BAHCC1: variants seen among roughly 807,000 people sequenced by gnomAD.
BAHCC1 encodes BAH domain and coiled-coil containing 1.
In BAHCC1, 43 loss-of-function variants were observed where a neutral mutation model predicts 88.2. That is an observed-to-expected ratio of 0.49 (90% confidence interval 0.38 to 0.63). The LOEUF (loss-of-function observed/expected upper bound fraction) is 0.63, where lower values mean the gene tolerates loss of function less well. Among genes scored for constraint, BAHCC1 ranks in the 20% least tolerant of loss-of-function variants. BAHCC1 has a pLI of 0.00. For missense variants in BAHCC1, 3,023 were observed against 1,654.8 expected (o/e 1.83, Z -14.34); for synonymous variants, 1,510 against 745.5 (o/e 2.03, Z -16.71).
chr17:81,463,582 C>A (rs1339224342), intron 27 of BAHCC1, 29 bp from the exon 28 acceptor site: 4 of 778,218 alleles, frequency 5.1e-6, no homozygotes, highest in South Asian at 1.3e-5. Context: ...CAAGGCCGGC[C>A]ACTGATGCCC....
intron 3 of BAHCC1, among the ~76,000 whole-genome samples, chr17:81,433,479 G>A (rs868916538): frequency 4.7e-5 from 7 of 149,386 alleles, no homozygotes; most frequent in African/African-American, 1.5e-4. Flanking sequence ...CCCCTCCTGT[G>A]CCCAGGGCAG....
rs1555653702 is a variant in BAHCC1 at position 81,444,482 on chromosome 17, G to A, written c.2426G>A (p.Gly809Glu). ...ATGATGCAGAGCGGCCAGCTGGGCG[G>A]GGACCCAGCCCCCCACACCCACCCC... ...HLMMQSGQLG[G>E]DPAPHTHPHP... The change falls in exon 7 of 28, where the codon GGG (glycine) becomes GAG (glutamate). Residue 809 changes from glycine to glutamate, a missense_variant. Coordinates refer to ENST00000675386, the MANE Select transcript of BAHCC1 (RefSeq NM_001377448.1). 8.4e-6 allele frequency: 6 copies of A among 712,510 alleles called. No homozygotes were observed. The highest frequency in any genetic ancestry group is 2.0e-5 in the Admixed American group (1 of 50,474). The allele number at this position is 712,510 out of a possible 1,614,324, so 44.1% of individuals were successfully genotyped here. A position where few individuals can be genotyped will look rare whatever the true frequency, so the allele number is the denominator to read the frequency against.
Position 81,465,487 on chromosome 17 carries a change from C to T in BAHCC1, c.*1670C>T, listed in dbSNP as rs2030641367. On this transcript the variant is annotated 3_prime_UTR_variant, in exon 28 of 28. Coordinates refer to ENST00000675386, the MANE Select transcript of BAHCC1 (RefSeq NM_001377448.1). Reference sequence around the variant, plus strand: ...GCCCAACAGCCTTCAGCCTCAGAAACGCATGGGGGGCCACACACTCCTTAT... The same window carrying T: ...GCCCAACAGCCTTCAGCCTCAGAAATGCATGGGGGGCCACACACTCCTTAT... 6.6e-6 allele frequency: 1 copy of T among 152,330 alleles called. No homozygotes were observed. Among genetic ancestry groups the T allele is most frequent in the Non-Finnish European group, 1.5e-5 (1 of 68,130 alleles). The allele number at this position is 152,330 out of a possible 1,614,324, so 9.4% of individuals were successfully genotyped here.
rs782384472 is a variant in BAHCC1 at position 81,442,725 on chromosome 17, C to T, written c.1376C>T (p.Ala459Val). 42 of 775,860 alleles carry T rather than the reference C, an allele frequency of 5.4e-5. No homozygotes were observed. Among genetic ancestry groups the T allele is most frequent in the East Asian group, 1.5e-4 (6 of 41,112 alleles). 48.1% of individuals were successfully genotyped at this position (775,860 alleles called of 1,614,324 possible). ...GAGCGGCGGCCTGGGGGCTTTGAGG[C>T]GGCCCTCAACCCCCGGCTAAAGGGC... ...KGERRPGGFE[A>V]ALNPRLKGLD... The change falls in exon 5 of 28, where the codon GCG becomes GTG. Residue 459 changes from alanine (A) to valine (V), a missense_variant. By Grantham distance (64) the Ala-to-Val change is moderately conservative. Transcript: ENST00000675386.
Position 81,442,126 on chromosome 17 carries a change from C to T in BAHCC1, c.777C>T (p.Asp259=), listed in dbSNP as rs782336448. ...AGCTGGTGCTGCCCGTGCCAGCCGA[C>T]GGGCACTGCAGGGAGGGCGGCCCCG... ...RHKLVLPVPA[D]GHCREGGPAP... is the part of the protein sequence containing the mutation. Residue 259 remains aspartate, a synonymous_variant, in exon 5 of 28, where the codon GAC becomes GAT. Coordinates refer to ENST00000675386, the MANE Select transcript of BAHCC1 (RefSeq NM_001377448.1). The T allele has an allele frequency of 4.3e-5, 29 of 677,064 alleles. No individual in the cohort carries two copies. The South Asian group carries it at 4.6e-4, about 11-fold the overall frequency. The allele number at this position is 677,064 out of a possible 1,614,324, so 41.9% of individuals were successfully genotyped here.
chr17:81,428,718 A>AC (rs1238090815), intron 3 of BAHCC1, among the ~76,000 whole-genome samples: 6 of 152,240 alleles, frequency 3.9e-5, no homozygotes, highest in African/African-American at 1.2e-4. Context: ...GGCAGACAGC[A>AC]CCCACAACGG....
At chr17:81,456,622 C>A (rs1555657379) in intron 16 of BAHCC1, 37 bp downstream of exon 16, 2 of 680,000 alleles carry the variant, frequency 2.9e-6, no homozygotes, top group Admixed American at 2.5e-5. Flanking sequence ...GCCAGGAGCC[C>A]CGGTCATGGT....
chr17:81,458,442 C>A lies in BAHCC1; in HGVS notation c.5319C>A (p.Gly1773=). The change falls in exon 18 of 28, where the codon GGC becomes GGA. Residue 1773 remains glycine (G), a synonymous_variant. Transcript: ENST00000675386. ...SERLKRATRK[G]TVLQPVLRRK... ...GCCTCAAGAGGGCCACGCGCAAGGG[C>A]ACAGTGCTGCAGCCAGTGCTGCGGG... is the stretch of plus-strand genomic sequence containing the variant. The A allele has an allele frequency of 1.4e-6, 1 of 731,622 alleles. No individual in the cohort carries two copies. Among genetic ancestry groups the A allele is most frequent in the South Asian group, 1.5e-5 (1 of 68,600 alleles). 45.3% of individuals were successfully genotyped at this position (731,622 alleles called of 1,614,324 possible).
Position 81,434,736 on chromosome 17 carries a change from G to T in BAHCC1, c.359-3634G>T, listed in dbSNP as rs556029686. 2.6e-5 allele frequency among the ~76,000 whole-genome samples: 4 copies of T among 152,232 alleles called. No homozygotes were observed. The highest frequency in any genetic ancestry group is 5.9e-5 in the Non-Finnish European group (4 of 67,980). ...TCCACGGCAGGGATGCTCCCTGGAA[G>T]GGCAGCCTGGGGGGTGGGTTGTGGC... On this transcript the variant is annotated intron_variant, in intron 3 of 27. Transcript: ENST00000675386. The surrounding 1 kb of genome is among the most constrained non-coding windows in gnomAD (Gnocchi z 4.9).
intron 2 of BAHCC1, among the ~76,000 whole-genome samples, chr17:81,418,810 C>CGTGTGTGTGCGT (rs2064074687): frequency 6.8e-6 from 1 of 146,332 alleles, no homozygotes; most frequent in Non-Finnish European, 1.5e-5. Context: ...TGTGTGTGTA[C>CGTGTGTGTGCGT]GTGTGTGTGT....
At chr17:81,416,439 CGT>C (rs36171726) in intron 2 of BAHCC1, among the ~76,000 whole-genome samples, 7,241 of 26,072 alleles carry the variant, frequency 0.28, 272 homozygotes, top group South Asian at 0.37. Flanking sequence ...GGTGTATGTG[CGT>C]GTGTGTGTGT....
chr17:81,460,119 C>T (rs1048072854), intron 23 of BAHCC1, among the ~76,000 whole-genome samples, 158 bp from the exon 24 acceptor site: 3 of 152,114 alleles, frequency 2.0e-5, no homozygotes, highest in East Asian at 3.9e-4. Flanking sequence ...AGGAGGCCCC[C>T]GCTCCTGGGC....
At chr17:81,445,727 C>T (rs782658566) in intron 10 of BAHCC1, 46 bp downstream of exon 10, 3 of 702,768 alleles carry the variant, frequency 4.3e-6, no homozygotes, top group East Asian at 5.4e-5. Flanking sequence ...CGCTCCAAGC[C>T]CTCCCACCCC....
At chr17:81,396,317 G>A (rs2063745753) in intron 1 of BAHCC1, 1 of 152,204 alleles carries the variant, frequency 6.6e-6, no homozygotes, top group Admixed American at 6.5e-5. Flanking sequence ...GGTGGAGGAG[G>A]GGGACCGAGC....
In BAHCC1 at chr17:81,460,623, C is replaced by T. The variant is rs1555658918; in HGVS notation, c.6119C>T (p.Thr2040Ile). 2 of 771,246 alleles carry T rather than the reference C, an allele frequency of 2.6e-6. No individual in the cohort carries two copies. Among genetic ancestry groups the T allele is most frequent in the African/African-American group, 1.7e-5 (1 of 59,008 alleles). The allele number at this position is 771,246 out of a possible 1,614,324, so 47.8% of individuals were successfully genotyped here. The change falls in exon 25 of 28, where the codon ACC (threonine) becomes ATC (isoleucine). Residue 2040 changes from threonine to isoleucine, a missense_variant. Physicochemically the swap from Thr to Ile is moderately conservative, Grantham distance 89. Coordinates refer to ENST00000675386, the MANE Select transcript of BAHCC1 (RefSeq NM_001377448.1). ...GCACCCCCGCCTAGTGAAGCCGCCA[C>T]CCCCAGCCTGTCCCCCAAAGCACAG... ...SEAPPPSEAA[T>I]PSLSPKAQDG...
At position 81,444,804 on chromosome 17, in the gene BAHCC1, C is replaced by T; in HGVS notation, c.2649C>T (p.Pro883=). The T allele has an allele frequency of 1.3e-6, 1 of 777,544 alleles. No individual in the cohort carries two copies. The allele number at this position is 777,544 out of a possible 1,614,324, so 48.2% of individuals were successfully genotyped here. Residue 883 remains proline, a synonymous_variant, in exon 8 of 28, where the codon CCC becomes CCT. Transcript: ENST00000675386. ...TCATCCTGCCCTCAGAGCCCACACC[C>T]CACAGCGCCCCCCACGCACTTGGTA... is the stretch of plus-strand genomic sequence containing the variant. ...QLVILPSEPT[P]HSAPHALADV... is the part of the protein sequence containing the mutation.
At position 81,446,655 on chromosome 17, in the gene BAHCC1, C is replaced by T. The variant is rs542089510; in HGVS notation, c.3164-381C>T. Reference sequence around the variant, plus strand: ...CCTCGGCCTCCTGGGCTCAAGCCATCCTCCCACCTCAGCCTCCTGTGTAGC... The same window carrying T: ...CCTCGGCCTCCTGGGCTCAAGCCATTCTCCCACCTCAGCCTCCTGTGTAGC... On this transcript the variant is annotated intron_variant, in intron 10 of 27. Transcript: ENST00000675386. 186 of 377,398 alleles carry T rather than the reference C, an allele frequency of 4.9e-4. 1 individual carries two copies. The highest frequency in any genetic ancestry group is 3.5e-3 in the African/African-American group (166 of 47,282). The allele number at this position is 377,398 out of a possible 1,614,324, so 23.4% of individuals were successfully genotyped here. A position where few individuals can be genotyped will look rare whatever the true frequency, so the allele number is the denominator to read the frequency against.
chr17:81,428,605 C>A (rs1336415849), intron 3 of BAHCC1, among the ~76,000 whole-genome samples: 2 of 152,192 alleles, frequency 1.3e-5, no homozygotes, highest in African/African-American at 2.4e-5. Flanking sequence ...CCTGGGGGAC[C>A]CCAGCAGCAA....
rs1598472195 is a variant in BAHCC1, at chr17:81,425,581, G to A, written c.179-1219G>A. 4.0e-5 allele frequency among the ~76,000 whole-genome samples: 6 copies of A among 151,182 alleles called. No homozygotes were observed. The South Asian group carries it at 1.1e-3, about 27-fold the overall frequency. On this transcript the variant is annotated intron_variant, in intron 2 of 27. Transcript: ENST00000675386. ...TGTGGTTGGTGGTGATGTGGTTGGG[G>A]GTGATAGTGGTGGGTGATGTGGTTG...
Sources: gnomAD v4.1 joint callset for allele counts (sites outside exome capture counted in the v4.1 genomes callset) on GRCh38, gnomAD v4.1.1 for gene constraint, Gnocchi (gnomAD v3.1) non-coding constraint, MANE v1.5 for transcripts, NCBI Gene and HGNC (gene_info 2026-07-23, HGNC 2026-07-21) for gene names.